TRAP1: variants seen among roughly 807,000 people sequenced by gnomAD.
The protein encoded by TRAP1 is heat shock protein 75 kDa, mitochondrial.
TRAP1 carries 102 observed loss-of-function variants against 89.1 expected under a neutral mutation model. That is an observed-to-expected ratio of 1.15 (90% CI 0.98 to 1.35). The LOEUF (loss-of-function observed/expected upper bound fraction) is 1.35, where lower values mean the gene tolerates loss of function less well. Among genes scored for constraint, TRAP1 ranks in the 40% most tolerant of loss-of-function variants. TRAP1 has a pLI of 0.00. For missense variants in TRAP1, 1,256 were observed against 945.3 expected (o/e 1.33, Z -4.31); for synonymous variants, 508 against 388.0 (o/e 1.31, Z -3.64).
intron 4 of TRAP1, among the ~76,000 whole-genome samples, chr16:3,681,397 G>A (rs577126466): frequency 2.6e-5 from 4 of 152,332 alleles, no homozygotes; most frequent in Non-Finnish European, 5.9e-5. Flanking sequence ...CTGGCCAGCT[G>A]TCAGCCTTCC....
At chr16:3,695,508 A>G (rs1179775834) in intron 1 of TRAP1, among the ~76,000 whole-genome samples, 3 of 148,812 alleles carry the variant, frequency 2.0e-5, no homozygotes, top group African/African-American at 7.6e-5. Flanking sequence ...TGTACTCCAG[A>G]CTTGGCGACA....
intron 4 of TRAP1, among the ~76,000 whole-genome samples, chr16:3,683,169 CAAA>C (rs1181171824): frequency 7.0e-6 from 1 of 143,340 alleles, no homozygotes; most frequent in Admixed American, 7.0e-5. Flanking sequence ...AACCCCATTT[CAAA>C]AAAAAAAATC....
chr16:3,708,940 C>T (rs1238361631), intron 1 of TRAP1, among the ~76,000 whole-genome samples: 2 of 151,290 alleles, frequency 1.3e-5, no homozygotes, highest in African/African-American at 4.8e-5. Context: ...CTCAGCTTCC[C>T]AAGTAGCTGG....
intron 1 of TRAP1, among the ~76,000 whole-genome samples, chr16:3,709,119 ACT>A (rs1423023624): frequency 2.0e-5 from 3 of 149,684 alleles, no homozygotes; most frequent in African/African-American, 7.4e-5. Context: ...CTGGCCCGAC[ACT>A]GTCTCAATTT....
rs376935858 is a variant in TRAP1, at chr16:3,674,375, C to T, written c.1008G>A (p.Pro336=). Residue 336 remains proline, a synonymous_variant, in exon 9 of 18, where the codon CCG becomes CCA. Transcript: ENST00000246957. ...CGTAGAAGATGCTGCGGATGTTGAG[C>T]GGTGCGTCCGTCTTATAGTGCAGGG... ...RYTLHYKTDA[P]LNIRSIFYVP... 23 of 1,613,950 alleles carry T rather than the reference C, an allele frequency of 1.4e-5. No homozygotes were observed. Among genetic ancestry groups the T allele is most frequent in the East Asian group, 6.7e-5 (3 of 44,894 alleles).
At chr16:3,705,263 G>A (rs1231565296) in intron 1 of TRAP1, among the ~76,000 whole-genome samples, 4 of 151,768 alleles carry the variant, frequency 2.6e-5, no homozygotes, top group Admixed American at 6.6e-5. Context: ...TAGACACAGG[G>A]TTTCACCATG....
chr16:3,662,752 C>T lies in TRAP1; in HGVS notation c.1794+130G>A, dbSNP rs750853339. ...TGCCGAGCAGGGACCCACAGGGTCT[C>T]CACCTGACACCAAGGGCTTCTGCTG... On this transcript the variant is annotated intron_variant, in intron 15 of 17. Transcript: ENST00000246957. 7 of 848,364 alleles carry T rather than the reference C, an allele frequency of 8.3e-6. No homozygotes were observed. In the African/African-American group the frequency reaches 1.2e-4, roughly 14 times the overall value. The allele number at this position is 848,364 out of a possible 1,614,324, so 52.6% of individuals were successfully genotyped here.
chr16:3,695,552 GAAAAGAAAAAGA>G (rs571110486), intron 1 of TRAP1, among the ~76,000 whole-genome samples: 17 of 140,282 alleles, frequency 1.2e-4, no homozygotes, highest in South Asian at 2.2e-4. Flanking sequence ...AAAAAAAAAA[GAAAAGAAAAAGA>G]AAAAGAAAAA....
At chr16:3,672,304 G>A (rs570091428) in intron 10 of TRAP1, among the ~76,000 whole-genome samples, 2 of 152,256 alleles carry the variant, frequency 1.3e-5, no homozygotes, top group African/African-American at 4.8e-5. Flanking sequence ...CAGCCTGGGT[G>A]ACAGAGCAAG....
chr16:3,702,260 G>T (rs987040212), intron 1 of TRAP1, among the ~76,000 whole-genome samples: 1 of 151,778 alleles, frequency 6.6e-6, no homozygotes, highest in African/African-American at 2.4e-5. Flanking sequence ...AAGGCCCAAT[G>T]ACTAGACTAA....
intron 1 of TRAP1, among the ~76,000 whole-genome samples, chr16:3,696,207 C>A (rs886222439): frequency 2.0e-5 from 3 of 152,074 alleles, no homozygotes; most frequent in African/African-American, 7.2e-5. Flanking sequence ...TTTGTGAATA[C>A]CTCTCTCCAA....
At chr16:3,660,175 C>T (rs971536754) in intron 16 of TRAP1, 13 of 152,176 alleles carry the variant, frequency 8.5e-5, no homozygotes, top group African/African-American at 3.1e-4. Context: ...AGCAAGTTCC[C>T]CCTTGGAAGC....
At chr16:3,710,896 A>C (rs1256768293) in intron 1 of TRAP1, among the ~76,000 whole-genome samples, 2 of 119,974 alleles carry the variant, frequency 1.7e-5, no homozygotes, top group Non-Finnish European at 1.6e-5. Context: ...TTTTTGAGAC[A>C]CTGTCACTCT....
intron 1 of TRAP1, among the ~76,000 whole-genome samples, chr16:3,710,637 C>A (rs1163770793): frequency 1.3e-5 from 2 of 152,064 alleles, no homozygotes; most frequent in Admixed American, 6.6e-5. Flanking sequence ...ATTCCATTGC[C>A]TGACAAATGC....
chr16:3,699,557 C>G (rs1405581619), intron 1 of TRAP1, among the ~76,000 whole-genome samples: 1 of 138,348 alleles, frequency 7.2e-6, no homozygotes, highest in African/African-American at 2.8e-5. Flanking sequence ...ACCCACGAGG[C>G]AGAGGTTGCG....
chr16:3,660,032 G>C (rs948285009), intron 16 of TRAP1: 2 of 152,274 alleles, frequency 1.3e-5, no homozygotes. Context: ...CAACCTAACA[G>C]AGGAAACACT....
intron 16 of TRAP1, chr16:3,659,175 G>C (rs1234380309): frequency 3.4e-6 from 1 of 291,026 alleles, no homozygotes; most frequent in Non-Finnish European, 6.5e-6. Flanking sequence ...TAAAAGAGAA[G>C]GGAGTAAGAC....
chr16:3,690,259 G>A (rs1274829238), intron 2 of TRAP1, among the ~76,000 whole-genome samples: 5 of 152,152 alleles, frequency 3.3e-5, no homozygotes, highest in Non-Finnish European at 2.9e-5. Flanking sequence ...TCCTGCCTCG[G>A]CCTCCCAAAG....
chr16:3,674,304 A>G (rs2050956268), intron 9 of TRAP1, 35 bp downstream of exon 9: 1 of 1,609,728 alleles, frequency 6.2e-7, no homozygotes, highest in Non-Finnish European at 8.5e-7. Flanking sequence ...CAACAGAGTC[A>G]CCCTGAGGGC....
Sources: allele counts gnomAD v4.1 joint callset (sites outside exome capture counted in the v4.1 genomes callset), GRCh38; gene constraint gnomAD v4.1.1; transcripts MANE v1.5; gene names NCBI Gene and HGNC (gene_info 2026-07-23, HGNC 2026-07-21).